Variants in HMCN2 observed in about 807,000 individuals in gnomAD.
HMCN2 encodes hemicentin 2, also known as hemicentin-2.
In HMCN2, 325 loss-of-function variants were observed where a neutral mutation model predicts 377.5. The observed-to-expected ratio is 0.86, with a 90% confidence interval of 0.79 to 0.94. HMCN2 has a LOEUF of 0.94. Among genes scored for constraint, HMCN2 ranks in the 40% least tolerant of loss-of-function variants. The pLI, the probability that HMCN2 is intolerant of heterozygous loss-of-function variation, is 0.00. For synonymous variants in HMCN2, 2,007 were observed against 2,046.8 expected (o/e 0.98, Z 0.53); for missense variants, 4,543 against 4,725.3 (o/e 0.96, Z 1.13).
intron 53 of HMCN2, 123 bp downstream of exon 53, chr9:130,377,922 T>C: frequency 1.3e-6 from 1 of 751,544 alleles, no homozygotes; most frequent in Non-Finnish European, 1.6e-6. Context: ...CATCTCCCAC[T>C]GGCTCATCTC....
intron 54 of HMCN2, among the ~76,000 whole-genome samples, chr9:130,380,712 A>G (rs1356994428): frequency 6.6e-6 from 1 of 151,670 alleles, no homozygotes; most frequent in African/African-American, 2.4e-5. Context: ...CCTTAAGCCC[A>G]GGAGGTCAAG....
rs1410166403 is a variant in HMCN2 at position 130,432,799 on chromosome 9, G to A, written c.14894+244G>A. On this transcript the variant is annotated intron_variant, in intron 97 of 97. Coordinates refer to ENST00000683500, the MANE Select transcript of HMCN2 (RefSeq NM_001291815.2). The stretch of plus-strand genomic sequence containing the variant: ...CAACCCCAGGACAAAACTCAGACAC[G>A]CCAGCACCAAACCCATCTCCTCCAC... 8.9e-6 allele frequency: 5 copies of A among 561,710 alleles called. No homozygotes were observed. In the Admixed American group the frequency reaches 9.4e-5, roughly 11 times the overall value. The allele number at this position is 561,710 out of a possible 1,614,324, so 34.8% of individuals were successfully genotyped here. A position where few individuals can be genotyped will look rare whatever the true frequency, so the allele number is the denominator to read the frequency against.
intron 53 of HMCN2, among the ~76,000 whole-genome samples, chr9:130,378,340 AGGGGAGGCTG>A (rs1841505839): frequency 1.0e-5 from 1 of 96,580 alleles, no homozygotes; most frequent in African/African-American, 4.2e-5. Flanking sequence ...GAGGCTGGGA[AGGGGAGGCTG>A]AGAGGCTGGG....
chr9:130,331,377 T>C (rs1483495465), intron 22 of HMCN2, among the ~76,000 whole-genome samples: 9 of 152,194 alleles, frequency 5.9e-5, no homozygotes, highest in African/African-American at 1.7e-4. Flanking sequence ...GAATGGTCAC[T>C]GAGTGCTTCT....
rs1170137640 is a variant in HMCN2, at chr9:130,294,906, TC to T, written c.666del (p.Thr223GlnfsTer19). The T allele has an allele frequency of 2.8e-5, 13 of 470,046 alleles. No individual in the cohort carries two copies. The highest frequency in any genetic ancestry group is 5.3e-5 in the Non-Finnish European group (12 of 226,592). The allele number at this position is 470,046 out of a possible 1,614,324, so 29.1% of individuals were successfully genotyped here. A position where few individuals can be genotyped will look rare whatever the true frequency, so the allele number is the denominator to read the frequency against. ...AIQASKVHLL[S>X]TDHEEEGEHT... is the part of the protein sequence containing the mutation. ...CCAGGCCTCCAAGGTGCACCTGCTGTCCACAGACCACGAGGAGGAGGGGGAG... is the reference window on the plus strand; with the variant it reads ...CCAGGCCTCCAAGGTGCACCTGCTGTCACAGACCACGAGGAGGAGGGGGAG... On this transcript the variant is annotated frameshift_variant, in exon 5 of 98. Transcript: ENST00000683500. LOFTEE classifies it high-confidence loss of function.
rs1195295717 is a variant in HMCN2 at position 130,433,462 on chromosome 9, C to T, written c.15009C>T (p.Leu5003=). 6.7e-7 allele frequency: 1 copy of T among 1,500,790 alleles called. No individual in the cohort carries two copies. 93.0% of individuals were successfully genotyped at this position (1,500,790 alleles called of 1,614,324 possible). A position where few individuals can be genotyped will look rare whatever the true frequency, so the allele number is the denominator to read the frequency against. ...GVRAHHDVAR[L]TAFSEVGVPA... ...GCGCCCACCACGACGTGGCCCGCCT[C>T]ACCGCCTTCTCCGAGGTCGGCGTCC... The change falls in exon 98 of 98, where the codon CTC becomes CTT. Residue 5003 remains leucine (L), a synonymous_variant. Coordinates refer to ENST00000683500, the MANE Select transcript of HMCN2 (RefSeq NM_001291815.2).
chr9:130,373,579 G>A (rs1841165946), intron 48 of HMCN2, among the ~76,000 whole-genome samples: 1 of 118,870 alleles, frequency 8.4e-6, no homozygotes, highest in Admixed American at 8.3e-5. Context: ...ATGGATGGAT[G>A]GATGGATGGA....
At chr9:130,365,296 G>A (rs1840634851) in intron 41 of HMCN2, among the ~76,000 whole-genome samples, 1 of 152,270 alleles carries the variant, frequency 6.6e-6, no homozygotes, top group African/African-American at 2.4e-5. Flanking sequence ...CTTCGGGTCT[G>A]TTTTCTTGAG....
At chr9:130,291,397 A>G (rs1835756224) in intron 4 of HMCN2, among the ~76,000 whole-genome samples, 1 of 152,120 alleles carries the variant, frequency 6.6e-6, no homozygotes. Flanking sequence ...TTTAGTAGAG[A>G]TGGAGTTTCA....
chr9:130,284,561 G>A (rs782051753), intron 1 of HMCN2, 42 bp from the exon 2 acceptor site: 34 of 470,726 alleles, frequency 7.2e-5, no homozygotes, highest in Non-Finnish European at 1.2e-4. Flanking sequence ...TGTGTGTCTA[G>A]GAGTCCCAGC....
intron 31 of HMCN2, among the ~76,000 whole-genome samples, chr9:130,353,516 C>T (rs1034024498): frequency 6.6e-6 from 1 of 152,202 alleles, no homozygotes; most frequent in African/African-American, 2.4e-5. Flanking sequence ...ACCCTGTGAC[C>T]ACCACAATAA....
chr9:130,269,688 TTTC>T (rs1374491550), intron 1 of HMCN2, among the ~76,000 whole-genome samples: 1 of 149,130 alleles, frequency 6.7e-6, no homozygotes, highest in African/African-American at 2.4e-5. Context: ...TTGGTATGAA[TTTC>T]TTATTTTGTA....
chr9:130,272,674 A>G (rs1221006676), intron 1 of HMCN2, among the ~76,000 whole-genome samples: 1 of 152,048 alleles, frequency 6.6e-6, no homozygotes, highest in Admixed American at 6.6e-5. Flanking sequence ...TCACCCCCAG[A>G]GTAGCTGGGA....
In HMCN2 at chr9:130,425,855, G is replaced by A. The variant is rs1421652728; in HGVS notation, c.13810G>A (p.Ala4604Thr). ...PQLVQHLRAS[A>T]ISSAFDPEAE... ...GCTGGTGCAGCACCTGCGGGCCTCA[G>A]CTATCAGCTCGGCCTTTGATCCAGA... Residue 4604 changes from alanine to threonine, a missense_variant, in exon 90 of 98, where the codon GCT becomes ACT. Coordinates refer to ENST00000683500, the MANE Select transcript of HMCN2 (RefSeq NM_001291815.2). 4.5e-6 allele frequency: 7 copies of A among 1,550,432 alleles called. No homozygotes were observed. Among genetic ancestry groups the A allele is most frequent in the South Asian group, 1.2e-5 (1 of 84,060 alleles).
chr9:130,300,284 A>C (rs561879567), intron 8 of HMCN2, among the ~76,000 whole-genome samples: 23 of 152,296 alleles, frequency 1.5e-4, no homozygotes, highest in African/African-American at 4.8e-4. Flanking sequence ...CTGTCCACCC[A>C]CACATCCATC....
At chr9:130,400,579 T>TC in intron 76 of HMCN2, 1 of 190,808 alleles carries the variant, frequency 5.2e-6, no homozygotes, top group East Asian at 2.8e-4. Context: ...AAAATACACT[T>TC]TTTTTTTTAA....
At chr9:130,350,200 G>A (rs997513947) in intron 29 of HMCN2, among the ~76,000 whole-genome samples, 1 of 150,222 alleles carries the variant, frequency 6.7e-6, no homozygotes, top group Non-Finnish European at 1.5e-5. Flanking sequence ...ATGAGCCACC[G>A]TGCCCAGCCT....
At chr9:130,358,895 C>T (rs572615578) in intron 36 of HMCN2, among the ~76,000 whole-genome samples, 3 of 152,286 alleles carry the variant, frequency 2.0e-5, no homozygotes, top group East Asian at 1.9e-4. Flanking sequence ...AGGATGGTCT[C>T]GATCTCCTGA....
rs1014076647 is a variant in HMCN2 at position 130,402,551 on chromosome 9, A to C, written c.11771-238A>C. 2.0e-5 allele frequency among the ~76,000 whole-genome samples: 3 copies of C among 152,240 alleles called. No homozygotes were observed. The East Asian group carries it at 5.8e-4, about 29-fold the overall frequency. ...TCTTGTCTGATTCTTCATTGTGCAC[A>C]TGGGGAAACTGAGGTCCAGAGAGTG... On this transcript the variant is annotated intron_variant, in intron 77 of 97. Transcript: ENST00000683500.
Sources: allele counts gnomAD v4.1 joint callset (sites outside exome capture counted in the v4.1 genomes callset), GRCh38; gene constraint gnomAD v4.1.1; transcripts MANE v1.5; gene names NCBI Gene and HGNC (gene_info 2026-07-23, HGNC 2026-07-21).